GALNT15: variants seen among roughly 807,000 people sequenced by gnomAD.
The protein encoded by GALNT15 is polypeptide N-acetylgalactosaminyltransferase 15, also known as UDP-GalNAc transferase T15.
A neutral mutation model predicts 66.8 loss-of-function variants in GALNT15; 67 were observed. The observed-to-expected ratio is 1.00, with a 90% CI of 0.82 to 1.23. GALNT15 has a LOEUF of 1.23. Among genes scored for constraint, GALNT15 ranks in the 50% most tolerant of loss-of-function variants. The pLI is 0.00. For synonymous variants in GALNT15, 313 were observed against 311.5 expected, an observed-to-expected ratio of 1.00 and a Z score of -0.05; for missense variants, 827 against 804.3, an observed-to-expected ratio of 1.03 and a Z score of -0.34.
At chr3:16,205,299 A>G (rs1368365456) in intron 3 of GALNT15, among the ~76,000 whole-genome samples, 1 of 152,244 alleles carries the variant, frequency 6.6e-6, no homozygotes, top group African/African-American at 2.4e-5. Flanking sequence ...ACGAGAATTA[A>G]CAAGGAATGA....
chr3:16,227,306 T>C lies in GALNT15; in HGVS notation c.1774-48T>C. On this transcript the variant is annotated intron_variant, in intron 9 of 9. Coordinates refer to ENST00000339732, the MANE Select transcript of GALNT15 (RefSeq NM_054110.5). The surrounding 1 kb of genome is among the most constrained non-coding windows in gnomAD (Gnocchi z 4.5). ...CTTAAAAATATTTTCTTTTGCTGACTGATTGTGGGGGACTGGTTTTCTTTT... is the reference window on the plus strand; with the variant it reads ...CTTAAAAATATTTTCTTTTGCTGACCGATTGTGGGGGACTGGTTTTCTTTT... 1 of 1,573,908 alleles carries C rather than the reference T, an allele frequency of 6.4e-7. No homozygotes were observed. The highest frequency in any genetic ancestry group is 8.6e-7 in the Non-Finnish European group (1 of 1,162,514).
At position 16,227,049 on chromosome 3, in the gene GALNT15, A is replaced by G. The variant is rs566688788; in HGVS notation, c.1774-305A>G. Among the ~76,000 whole-genome samples, 3 of 152,368 alleles carry G rather than the reference A, an allele frequency of 2.0e-5. No homozygotes were observed. The South Asian group carries it at 6.2e-4, about 32-fold the overall frequency. ...TACAGTGATAACAATGAATGTCACA[A>G]ATACAGCATAAAGACTGAACATGCT... is the stretch of plus-strand genomic sequence containing the variant. On this transcript the variant is annotated intron_variant, in intron 9 of 9. Transcript: ENST00000339732. This position sits in a 1 kb window ranked among gnomAD's most constrained non-coding sequence, Gnocchi z 4.5.
In GALNT15 at chr3:16,181,982, C is replaced by T. The variant is rs1481516022; in HGVS notation, c.539+6292C>T. 1.3e-5 allele frequency among the ~76,000 whole-genome samples: 2 copies of T among 152,168 alleles called. No individual in the cohort carries two copies. The highest frequency in any genetic ancestry group is 2.4e-5 in the African/African-American group (1 of 41,432). On this transcript the variant is annotated intron_variant, in intron 1 of 9. Coordinates refer to ENST00000339732, the MANE Select transcript of GALNT15 (RefSeq NM_054110.5). The surrounding 1 kb of genome is among the most constrained non-coding windows in gnomAD (Gnocchi z 5.9). ...AGCGTAGACAGAGCTGACTATATAG[C>T]GCCCTTTTTTGGGTCAAATGCATTC...
In GALNT15 at chr3:16,188,042, C is replaced by T. The variant is rs1464241271; in HGVS notation, c.540-7718C>T. 6.6e-6 allele frequency among the ~76,000 whole-genome samples: 1 copy of T among 152,246 alleles called. No individual in the cohort carries two copies. ...GAGAGACTTGTCCAAGGCCCCTTAT[C>T]TCCATTCCCTCAAGGGGGATTCAGA... On this transcript the variant is annotated intron_variant, in intron 1 of 9. Transcript: ENST00000339732. This position sits in a 1 kb window ranked among gnomAD's most constrained non-coding sequence, Gnocchi z 4.6.
Position 16,182,524 on chromosome 3 carries a change from C to G in GALNT15, c.539+6834C>G, listed in dbSNP as rs944760202. On this transcript the variant is annotated intron_variant, in intron 1 of 9. Coordinates refer to ENST00000339732, the MANE Select transcript of GALNT15 (RefSeq NM_054110.5). This position sits in a 1 kb window ranked among gnomAD's most constrained non-coding sequence, Gnocchi z 6.1. ...AGTAAGTAAGGAACAGGGAACTGTC[C>G]AGACAAGGTTGAAGGAGGTGGACAG... Among the ~76,000 whole-genome samples the G allele has an allele frequency of 6.6e-6, 1 of 152,202 alleles. No individual in the cohort carries two copies. The highest frequency in any genetic ancestry group is 2.4e-5 in the African/African-American group (1 of 41,446).
At chr3:16,214,035 C>G (rs1423104908) in intron 6 of GALNT15, among the ~76,000 whole-genome samples, 1 of 152,196 alleles carries the variant, frequency 6.6e-6, no homozygotes, top group African/African-American at 2.4e-5. Flanking sequence ...TTCCCAAGGT[C>G]TAGGCAGGCT....
In GALNT15 at chr3:16,220,068, G is replaced by A; in HGVS notation, c.1629+54G>A. The A allele has an allele frequency of 5.0e-6, 7 of 1,403,562 alleles. No individual in the cohort carries two copies. The South Asian group carries it at 6.9e-5, about 14-fold the overall frequency. The allele number at this position is 1,403,562 out of a possible 1,614,324, so 86.9% of individuals were successfully genotyped here. A position where few individuals can be genotyped will look rare whatever the true frequency, so the allele number is the denominator to read the frequency against. On this transcript the variant is annotated intron_variant, in intron 8 of 9. Coordinates refer to ENST00000339732, the MANE Select transcript of GALNT15 (RefSeq NM_054110.5). ...GATAGCCCAAGAAGACTTGAAAGTG[G>A]GCGATATTTTTCTGGGATGCCCCAT...
intron 2 of GALNT15, among the ~76,000 whole-genome samples, chr3:16,198,646 G>T (rs2063665551): frequency 7.0e-6 from 1 of 142,938 alleles, no homozygotes; most frequent in Admixed American, 7.1e-5. Context: ...GTGGACCAGG[G>T]CTGACAGTCT....
rs1028556006 is a variant in GALNT15 at position 16,204,825 on chromosome 3, A to G, written c.912-3678A>G. 6.7e-6 allele frequency among the ~76,000 whole-genome samples: 1 copy of G among 148,544 alleles called. No homozygotes were observed. The highest frequency in any genetic ancestry group is 1.5e-5 in the Non-Finnish European group (1 of 67,978). On this transcript the variant is annotated intron_variant, in intron 3 of 9. Coordinates refer to ENST00000339732, the MANE Select transcript of GALNT15 (RefSeq NM_054110.5). This position sits in a 1 kb window ranked among gnomAD's most constrained non-coding sequence, Gnocchi z 4.5. The stretch of plus-strand genomic sequence containing the variant: ...TGGGGCAGGGAGAAGAACACCTCCC[A>G]CTCTGCCCTTTGAAGGGTTAAATGA...
Position 16,227,347 on chromosome 3 carries a change from T to G in GALNT15, c.1774-7T>G. On this transcript the variant is annotated splice_polypyrimidine_tract_variant and splice_region_variant and intron_variant, in intron 9 of 9. Transcript: ENST00000339732. The surrounding 1 kb of genome is among the most constrained non-coding windows in gnomAD (Gnocchi z 4.5). Reference sequence around the variant, plus strand: ...GTTTTCTTTTCTTTTTTCCTTTCTCTTTTTAGAATGGGATGATTGTCCACA... The same window carrying G: ...GTTTTCTTTTCTTTTTTCCTTTCTCGTTTTAGAATGGGATGATTGTCCACA... The G allele has an allele frequency of 6.2e-7, 1 of 1,602,170 alleles. No individual in the cohort carries two copies. The highest frequency in any genetic ancestry group is 1.1e-5 in the South Asian group (1 of 87,796).
rs552763807 is a variant in GALNT15 at position 16,220,120 on chromosome 3, G to A, written c.1629+106G>A. ...CTTCCCTTTGAGGTATCTTCTTTCTGTGGTCCCATGTCCCTTGACTGCCAT... is the reference window on the plus strand; with the variant it reads ...CTTCCCTTTGAGGTATCTTCTTTCTATGGTCCCATGTCCCTTGACTGCCAT... On this transcript the variant is annotated intron_variant, in intron 8 of 9. Coordinates refer to ENST00000339732, the MANE Select transcript of GALNT15 (RefSeq NM_054110.5). 1.4e-5 allele frequency: 12 copies of A among 848,904 alleles called. No individual in the cohort carries two copies. In the South Asian group the frequency reaches 1.7e-4, roughly 12 times the overall value. The allele number at this position is 848,904 out of a possible 1,614,324, so 52.6% of individuals were successfully genotyped here. A position where few individuals can be genotyped will look rare whatever the true frequency, so the allele number is the denominator to read the frequency against.
the GALNT15 span, among the ~76,000 whole-genome samples, chr3:16,245,242 C>G: frequency 1.3e-5 from 2 of 152,260 alleles, no homozygotes; most frequent in African/African-American, 4.8e-5. Flanking sequence ...CCCCATCTCA[C>G]ATCCTCACTC....
chr3:16,240,855 T>G, the GALNT15 span, among the ~76,000 whole-genome samples: 1 of 152,108 alleles, frequency 6.6e-6, no homozygotes, highest in Non-Finnish European at 1.5e-5. Context: ...GACTACAAGT[T>G]CCTCCCTGAC....
At position 16,176,414 on chromosome 3, in the gene GALNT15, C is replaced by T. The variant is rs2063410396; in HGVS notation, c.539+724C>T. ...GGCATGTGAGCTCCAGTCTGCCTGA[C>T]CCACCACTCCATGCCACCTGCCTTG... On this transcript the variant is annotated intron_variant, in intron 1 of 9. Coordinates refer to ENST00000339732, the MANE Select transcript of GALNT15 (RefSeq NM_054110.5). The surrounding 1 kb of genome is among the most constrained non-coding windows in gnomAD (Gnocchi z 5.6). Among the ~76,000 whole-genome samples, 1 of 152,204 alleles carries T rather than the reference C, an allele frequency of 6.6e-6. No individual in the cohort carries two copies. The highest frequency in any genetic ancestry group is 1.5e-5 in the Non-Finnish European group (1 of 68,028).
downstream of GALNT15, among the ~76,000 whole-genome samples, chr3:16,235,796 A>T (rs1283767491): frequency 6.6e-6 from 1 of 152,212 alleles, no homozygotes. Flanking sequence ...GCCGGGTAGG[A>T]TAGATACCAG....
intron 1 of GALNT15, among the ~76,000 whole-genome samples, chr3:16,190,715 A>T (rs2063567871): frequency 6.6e-6 from 1 of 151,822 alleles, no homozygotes; most frequent in African/African-American, 2.4e-5. Flanking sequence ...GAGACACAAG[A>T]CTTTGTCAAA....
downstream of GALNT15, chr3:16,231,759 T>C: frequency 6.9e-7 from 1 of 1,449,568 alleles, no homozygotes. This position sits in a 1 kb window ranked among gnomAD's most constrained non-coding sequence, Gnocchi z 4.1. Flanking sequence ...CAGTCCTTCC[T>C]CTCTCTCTCC....
At position 16,227,743 on chromosome 3, in the gene GALNT15, AATG is replaced by A; in HGVS notation, c.*246_*248del. On this transcript the variant is annotated 3_prime_UTR_variant, in exon 10 of 10. Coordinates refer to ENST00000339732, the MANE Select transcript of GALNT15 (RefSeq NM_054110.5). This position sits in a 1 kb window ranked among gnomAD's most constrained non-coding sequence, Gnocchi z 4.5. ...TGTACCGTTGTCTTCATCACTGGGAAATGATTATTACATAGTACAGAAGATTCT... is the reference window on the plus strand; with the variant it reads ...TGTACCGTTGTCTTCATCACTGGGAAATTATTACATAGTACAGAAGATTCT... The A allele has an allele frequency of 7.4e-7, 1 of 1,343,726 alleles. No individual in the cohort carries two copies. The highest frequency in any genetic ancestry group is 9.5e-7 in the Non-Finnish European group (1 of 1,049,366). The allele number at this position is 1,343,726 out of a possible 1,614,324, so 83.2% of individuals were successfully genotyped here. A position where few individuals can be genotyped will look rare whatever the true frequency, so the allele number is the denominator to read the frequency against.
chr3:16,221,242 A>C (rs2063939250), intron 8 of GALNT15, among the ~76,000 whole-genome samples: 1 of 139,092 alleles, frequency 7.2e-6, no homozygotes, highest in Non-Finnish European at 1.5e-5. Context: ...AAGGAATATT[A>C]GCTCTTTCTT....
Sources: gnomAD v4.1 joint callset for allele counts (sites outside exome capture counted in the v4.1 genomes callset) on GRCh38, gnomAD v4.1.1 for gene constraint, Gnocchi (gnomAD v3.1) non-coding constraint, MANE v1.5 for transcripts, NCBI Gene and HGNC (gene_info 2026-07-23, HGNC 2026-07-21) for gene names.